Variants in CCDC77 observed in about 807,000 individuals in gnomAD.
CCDC77 encodes the protein coiled-coil domain containing 77, also known as coiled-coil domain-containing protein 77.
Under a neutral mutation model 66.8 loss-of-function variants are expected in CCDC77, and 56 were observed. That is an observed-to-expected ratio of 0.84 (90% CI 0.68 to 1.05). The LOEUF (loss-of-function observed/expected upper bound fraction) is 1.05, where lower values mean the gene tolerates loss of function less well. Ranked by LOEUF, CCDC77 falls within the 50% of genes least tolerant of loss-of-function variation. The pLI, the probability that CCDC77 is intolerant of heterozygous loss-of-function variation, is 0.00. For synonymous variants in CCDC77, 196 were observed against 195.2 expected (o/e 1.00, Z -0.03); for missense variants, 570 against 576.8 (o/e 0.99, Z 0.12).
chr12:415,440 A>T (rs1301911038), intron 4 of CCDC77, among the ~76,000 whole-genome samples: 1 of 143,548 alleles, frequency 7.0e-6, no homozygotes, highest in African/African-American at 2.5e-5. Flanking sequence ...TAACATAATA[A>T]TATGTTAATA....
At position 411,851 on chromosome 12, in the gene CCDC77, G is replaced by A. The variant is rs200513629; in HGVS notation, c.143G>A (p.Arg48His). 8.2e-5 allele frequency: 133 copies of A among 1,613,876 alleles called. No homozygotes were observed. Among genetic ancestry groups the A allele is most frequent in the Admixed American group, 2.5e-4 (15 of 59,960 alleles). ...ESTPLPSPED[R>H]LAKLHPSKEL... ...ACCCCCTTGCCTTCCCCCGAAGATC[G>A]TCTGGCCAAACTCCATCCTTCTAAG... The change falls in exon 4 of 13, where the codon CGT (arginine) becomes CAT (histidine). Residue 48 changes from arginine (R) to histidine (H), a missense_variant. By Grantham distance (29) the Arg-to-His change is conservative (BLOSUM62 0). Transcript: ENST00000239830.
intron 4 of CCDC77, among the ~76,000 whole-genome samples, chr12:416,926 G>A (rs1346691038): frequency 6.6e-6 from 1 of 150,916 alleles, no homozygotes; most frequent in African/African-American, 2.4e-5. Context: ...GATCACCTGG[G>A]GTCAGGAGTT....
chr12:417,618 A>T (rs1945310968), intron 4 of CCDC77, among the ~76,000 whole-genome samples: 1 of 152,164 alleles, frequency 6.6e-6, no homozygotes, highest in South Asian at 2.1e-4. Context: ...AAACATTACT[A>T]AAAAAGTGTG....
chr12:390,968 A>G (rs1944744397), intron 1 of CCDC77, among the ~76,000 whole-genome samples: 1 of 152,138 alleles, frequency 6.6e-6, no homozygotes. Context: ...GGAAGCAAAG[A>G]CCTAAAGCCT....
chr12:402,182 C>G (rs1944909112), intron 1 of CCDC77, among the ~76,000 whole-genome samples: 1 of 152,152 alleles, frequency 6.6e-6, no homozygotes, highest in Non-Finnish European at 1.5e-5. Context: ...GGTGCAGAGA[C>G]CCTAGCTGAA....
At chr12:424,908 A>G (rs544950660) in intron 5 of CCDC77, among the ~76,000 whole-genome samples, 9 of 148,266 alleles carry the variant, frequency 6.1e-5, no homozygotes, top group East Asian at 3.9e-4. Flanking sequence ...ACTTAGCCAC[A>G]TGGTTTCTTT....
intron 10 of CCDC77, among the ~76,000 whole-genome samples, chr12:439,568 C>T (rs1279517072): frequency 6.6e-6 from 1 of 150,650 alleles, no homozygotes; most frequent in East Asian, 2.0e-4. Context: ...ATCACGAGGT[C>T]AGGAGTTCGA....
At chr12:394,686 T>C (rs1266144310) in intron 1 of CCDC77, among the ~76,000 whole-genome samples, 2 of 152,260 alleles carry the variant, frequency 1.3e-5, no homozygotes, top group African/African-American at 4.8e-5. Context: ...TATTTGATGT[T>C]GTGTGATTGC....
At position 436,212 on chromosome 12, in the gene CCDC77, G is replaced by C. The variant is rs151139953; in HGVS notation, c.822-2123G>C. 1.0e-2 allele frequency among the ~76,000 whole-genome samples: 1,503 copies of C among 150,398 alleles called. 38 individuals carry two copies. The highest frequency in any genetic ancestry group is 0.035 in the African/African-American group (1,433 of 40,938). On this transcript the variant is annotated intron_variant, in intron 9 of 12. Coordinates refer to ENST00000239830, the MANE Select transcript of CCDC77 (RefSeq NM_032358.4). Reference sequence around the variant, plus strand: ...GGCTCACTGCAAGCTCCGCCTCCCGGGTTCATGCCATTCTCCTGCCTCAGC... The same window carrying C: ...GGCTCACTGCAAGCTCCGCCTCCCGCGTTCATGCCATTCTCCTGCCTCAGC...
intron 9 of CCDC77, among the ~76,000 whole-genome samples, chr12:436,320 G>A (rs1380425150): frequency 6.6e-6 from 1 of 151,630 alleles, no homozygotes; most frequent in East Asian, 1.9e-4. Flanking sequence ...GTAGAGACAA[G>A]GTTTCACCGT....
chr12:428,925 A>G, intron 6 of CCDC77, 60 bp downstream of exon 6: 1 of 1,051,376 alleles, frequency 9.5e-7, no homozygotes, highest in Non-Finnish European at 1.4e-6. Context: ...GCTAAGGCCC[A>G]TCATCAGAAG....
At chr12:399,981 T>C (rs1294178236), upstream of CCDC77, among the ~76,000 whole-genome samples, 1 of 152,268 alleles carries the variant, frequency 6.6e-6, no homozygotes, top group East Asian at 1.9e-4. Flanking sequence ...GGTTCATATA[T>C]ATCAAAAGTC....
intron 1 of CCDC77, among the ~76,000 whole-genome samples, chr12:394,208 C>G (rs1395101043): frequency 1.3e-5 from 2 of 152,162 alleles, no homozygotes; most frequent in East Asian, 3.8e-4. Flanking sequence ...TTCTGGTGTT[C>G]TGTGAAAAAA....
intron 8 of CCDC77, 69 bp from the exon 9 acceptor site, chr12:433,105 C>A: frequency 6.8e-7 from 1 of 1,472,516 alleles, no homozygotes; most frequent in South Asian, 1.3e-5. Context: ...GAGAAAGGCT[C>A]ACTTTTCCTA....
At position 442,623 on chromosome 12, in the gene CCDC77, A is replaced by G. The variant is rs1945877088; in HGVS notation, c.*703A>G. The G allele has an allele frequency of 6.6e-6, 1 of 152,236 alleles. No homozygotes were observed. The highest frequency in any genetic ancestry group is 2.4e-5 in the African/African-American group (1 of 41,462). 9.4% of individuals were successfully genotyped at this position (152,236 alleles called of 1,614,324 possible). A position where few individuals can be genotyped will look rare whatever the true frequency, so the allele number is the denominator to read the frequency against. On this transcript the variant is annotated 3_prime_UTR_variant, in exon 13 of 13. Coordinates refer to ENST00000239830, the MANE Select transcript of CCDC77 (RefSeq NM_032358.4). ...ATATATTTTAAATTAACTATTTTCA[A>G]TAAAATATTTCACTCAAAAGATTTT...
intron 6 of CCDC77, among the ~76,000 whole-genome samples, chr12:429,508 T>A (rs1945606723): frequency 6.6e-6 from 1 of 151,934 alleles, no homozygotes; most frequent in South Asian, 2.1e-4. Flanking sequence ...TTACATAGGT[T>A]GGAGTGCAAT....
chr12:405,842 G>A (rs751085103), intron 2 of CCDC77, among the ~76,000 whole-genome samples: 16 of 151,946 alleles, frequency 1.1e-4, no homozygotes, highest in African/African-American at 1.7e-4. Flanking sequence ...ATAAAAACCC[G>A]CTGCCTTTAG....
At chr12:427,525 A>T (rs1214927991) in intron 5 of CCDC77, among the ~76,000 whole-genome samples, 3 of 145,996 alleles carry the variant, frequency 2.1e-5, no homozygotes, top group African/African-American at 7.7e-5. Flanking sequence ...CCCAGGCCAG[A>T]GTGCGGTGGT....
rs182878463 is a variant in CCDC77, at chr12:391,432, G to A, written c.-113+1946G>A. Among the ~76,000 whole-genome samples, 207 of 151,820 alleles carry A rather than the reference G, an allele frequency of 1.4e-3. 1 individual carries two copies. The highest frequency in any genetic ancestry group is 2.0e-3 in the Non-Finnish European group (135 of 67,980). On this transcript the variant is annotated intron_variant, in intron 1 of 11. Transcript: ENST00000422000. ...ATCGTGCCACTGTACTCCAGCCTAG[G>A]CAAGAAGAGTGAGACTCTGTCTCCA...
Sources: gnomAD v4.1 joint callset for allele counts (sites outside exome capture counted in the v4.1 genomes callset) on GRCh38, gnomAD v4.1.1 for gene constraint, MANE v1.5 for transcripts, NCBI Gene and HGNC (gene_info 2026-07-23, HGNC 2026-07-21) for gene names.